The following ARID3B variants were observed in gnomAD, a reference collection of about 807,000 sequenced individuals.
ARID3B encodes AT-rich interactive domain-containing protein 3B.
In ARID3B, 10 loss-of-function variants were observed where a neutral mutation model predicts 51.9. The observed-to-expected ratio is 0.19, with a 90% CI of 0.12 to 0.33. The LOEUF is 0.33. Ranked by LOEUF, ARID3B falls within the 10% of genes least tolerant of loss-of-function variation. ARID3B has a pLI of 1.00. For missense variants in ARID3B, 483 were observed against 716.3 expected, an observed-to-expected ratio of 0.67 and a Z score of 3.72; for synonymous variants, 205 against 279.5, an observed-to-expected ratio of 0.73 and a Z score of 2.66.
chr15:74,547,915 G>C (rs2061621948), intron 2 of ARID3B, among the ~76,000 whole-genome samples: 1 of 152,216 alleles, frequency 6.6e-6, no homozygotes. Context: ...GGGTTCCAGA[G>C]ATTATTCTTT....
chr15:74,594,740 G>A (rs1194437592), intron 8 of ARID3B, among the ~76,000 whole-genome samples: 2 of 152,252 alleles, frequency 1.3e-5, no homozygotes, highest in Non-Finnish European at 2.9e-5. Context: ...AGGACAGAGT[G>A]TAGAGGAGCA....
intron 4 of ARID3B, among the ~76,000 whole-genome samples, chr15:74,579,222 TTTCAGC>T (rs1222251193): frequency 7.9e-5 from 12 of 152,242 alleles, no homozygotes; most frequent in Non-Finnish European, 1.6e-4. Flanking sequence ...CAGATGGGCC[TTTCAGC>T]CCTCAGCACC....
At chr15:74,579,904 G>A (rs914101459) in intron 4 of ARID3B, among the ~76,000 whole-genome samples, 6 of 149,980 alleles carry the variant, frequency 4.0e-5, no homozygotes, top group South Asian at 2.1e-4. Context: ...AAATACACAC[G>A]TTTCAGCTGG....
At chr15:74,551,219 A>G (rs1049435309) in intron 2 of ARID3B, among the ~76,000 whole-genome samples, 3 of 152,208 alleles carry the variant, frequency 2.0e-5, no homozygotes, top group Non-Finnish European at 2.9e-5. Flanking sequence ...TTTGTAGATA[A>G]GATGCTCCAT....
intron 1 of ARID3B, among the ~76,000 whole-genome samples, chr15:74,542,498 G>T (rs1407199279): frequency 6.6e-6 from 1 of 152,108 alleles, no homozygotes; most frequent in Non-Finnish European, 1.5e-5. Context: ...CTACTAATTG[G>T]CCTAGCTTTA....
intron 4 of ARID3B, among the ~76,000 whole-genome samples, chr15:74,583,131 C>G (rs2061767947): frequency 6.6e-6 from 1 of 151,394 alleles, no homozygotes; most frequent in Non-Finnish European, 1.5e-5. Context: ...GCCTGGGAGG[C>G]AGAGGCTGCA....
chr15:74,573,022 C>G (rs1236446068), intron 3 of ARID3B, 89 bp downstream of exon 3: 1 of 1,582,308 alleles, frequency 6.3e-7, no homozygotes, highest in Non-Finnish European at 8.7e-7. Context: ...ACCAAGGTAG[C>G]CAGTGAGTTG....
chr15:74,585,281 T>C (rs917210328), intron 4 of ARID3B, among the ~76,000 whole-genome samples: 21 of 152,124 alleles, frequency 1.4e-4, no homozygotes, highest in Non-Finnish European at 2.8e-4. Context: ...CAGAGGCCTC[T>C]CTCTCTCAGG....
intron 4 of ARID3B, among the ~76,000 whole-genome samples, chr15:74,587,411 G>A (rs1477213397): frequency 6.6e-6 from 1 of 152,202 alleles, no homozygotes; most frequent in Non-Finnish European, 1.5e-5. Flanking sequence ...CGAGGTTCCT[G>A]CCTTCCTGCC....
chr15:74,579,881 GCGCA>G (rs1555440740), intron 4 of ARID3B, among the ~76,000 whole-genome samples: 1 of 151,228 alleles, frequency 6.6e-6, no homozygotes, highest in African/African-American at 2.4e-5. Flanking sequence ...GTGCGCGCGC[GCGCA>G]CACGCAAAAA....
intron 2 of ARID3B, among the ~76,000 whole-genome samples, chr15:74,558,956 A>G (rs2061669017): frequency 6.6e-6 from 1 of 152,170 alleles, no homozygotes; most frequent in Non-Finnish European, 1.5e-5. Flanking sequence ...GCCCCTCAAT[A>G]TGAGTCCCCT....
chr15:74,546,370 C>T (rs1029458481), intron 2 of ARID3B, among the ~76,000 whole-genome samples: 3 of 152,210 alleles, frequency 2.0e-5, no homozygotes, highest in Non-Finnish European at 4.4e-5. Context: ...CTGCCCCCGC[C>T]TTGGCAGCTG....
rs888862676 is a variant in ARID3B at position 74,597,916 on chromosome 15, C to T, written c.*2142C>T. On this transcript the variant is annotated 3_prime_UTR_variant, in exon 9 of 9. Coordinates refer to ENST00000346246, the MANE Select transcript of ARID3B (RefSeq NM_006465.4). ...GGCCTTGGCCCAAGCAGAGCTTCCC[C>T]TGAAGGTGCCATCAGCCAGGGCAGC... 1.8e-4 allele frequency: 95 copies of T among 530,336 alleles called. No individual in the cohort carries two copies. The highest frequency in any genetic ancestry group is 8.8e-4 in the Middle Eastern group (2 of 2,276). The allele number at this position is 530,336 out of a possible 1,614,324, so 32.9% of individuals were successfully genotyped here.
intron 2 of ARID3B, 143 bp downstream of exon 2, chr15:74,544,631 G>T: frequency 1.5e-6 from 1 of 656,534 alleles, no homozygotes; most frequent in South Asian, 2.6e-5. Context: ...ATAGACTTTG[G>T]ATTTTTTTCT....
intron 4 of ARID3B, among the ~76,000 whole-genome samples, chr15:74,589,120 C>T (rs933621021): frequency 1.2e-4 from 17 of 143,326 alleles, no homozygotes; most frequent in Non-Finnish European, 2.0e-4. Context: ...CTCCGCCTCC[C>T]GGGTTCATGC....
chr15:74,580,935 C>G (rs760301240), intron 4 of ARID3B, among the ~76,000 whole-genome samples: 3 of 152,188 alleles, frequency 2.0e-5, no homozygotes, highest in Non-Finnish European at 2.9e-5. Context: ...ATCTCAGGGT[C>G]AGGGCTGTTT....
chr15:74,584,892 A>C (rs1186642662), intron 4 of ARID3B, among the ~76,000 whole-genome samples: 1 of 152,160 alleles, frequency 6.6e-6, no homozygotes, highest in East Asian at 1.9e-4. Context: ...GGCCCTCATA[A>C]AAGCCTTTTA....
rs115756192 is a variant in ARID3B, at chr15:74,574,545, T to C, written c.697+1341T>C. On this transcript the variant is annotated intron_variant, in intron 4 of 8. Transcript: ENST00000346246. ...CTTTACCTTTGGCAGCCTTATTGCC[T>C]TCTTGGTGTAGCCTGCCTGTTACTG... 6.0e-3 allele frequency: 914 copies of C among 152,296 alleles called. 7 individuals carry two copies. Among genetic ancestry groups the C allele is most frequent in the African/African-American group, 0.021 (859 of 41,544 alleles). 9.4% of individuals were successfully genotyped at this position (152,296 alleles called of 1,614,324 possible). A position where few individuals can be genotyped will look rare whatever the true frequency, so the allele number is the denominator to read the frequency against.
Position 74,595,855 on chromosome 15 carries a change from A to T in ARID3B, c.*81A>T, listed in dbSNP as rs74781061. The T allele has an allele frequency of 3.4e-6, 5 of 1,453,002 alleles. No individual in the cohort carries two copies. Among genetic ancestry groups the T allele is most frequent in the Middle Eastern group, 2.2e-4 (1 of 4,520 alleles). 90.0% of individuals were successfully genotyped at this position (1,453,002 alleles called of 1,614,324 possible). A position where few individuals can be genotyped will look rare whatever the true frequency, so the allele number is the denominator to read the frequency against. On this transcript the variant is annotated 3_prime_UTR_variant, in exon 9 of 9. Transcript: ENST00000346246. ...ATGCACAGAATTTACCTCATCTCAC[A>T]GAGCCCACGTCGACGAGCACCATTT... is the stretch of plus-strand genomic sequence containing the variant.
Sources: gnomAD v4.1 joint callset for allele counts (sites outside exome capture counted in the v4.1 genomes callset) on GRCh38, gnomAD v4.1.1 for gene constraint, MANE v1.5 for transcripts, NCBI Gene and HGNC (gene_info 2026-07-23, HGNC 2026-07-21) for gene names.